Variants in TBXAS1 observed in about 807,000 individuals in gnomAD.
The protein encoded by TBXAS1 is thromboxane-A synthase.
TBXAS1 carries 48 observed loss-of-function variants against 60.7 expected under a neutral mutation model. That is an observed-to-expected ratio of 0.79 (90% confidence interval 0.63 to 1.01). The LOEUF is 1.01. Ranked by LOEUF, TBXAS1 falls within the 50% of genes least tolerant of loss-of-function variation. The pLI, the probability that TBXAS1 is intolerant of heterozygous loss-of-function variation, is 0.00. For missense variants in TBXAS1, 685 were observed against 686.3 expected (o/e 1.00, Z 0.02); for synonymous variants, 287 against 269.7 (o/e 1.06, Z -0.63).
At chr7:139,865,903 A>AGGAAGGAAGGAAAGAGGGAG (rs1801386264) in intron 1 of TBXAS1, among the ~76,000 whole-genome samples, 1 of 135,978 alleles carries the variant, frequency 7.4e-6, no homozygotes, top group African/African-American at 3.0e-5. Flanking sequence ...GGAGGGAGGG[A>AGGAAGGAAGGAAAGAGGGAG]GGAAGGAAGG....
intron 1 of TBXAS1, 59 bp from the exon 2 acceptor site, chr7:139,872,176 A>C: frequency 2.0e-6 from 3 of 1,487,000 alleles, no homozygotes; most frequent in Non-Finnish European, 2.8e-6. Context: ...TTCCTAATAG[A>C]GCCTAAAGCA....
At chr7:139,932,166 C>CAAA (rs56765418) in intron 4 of TBXAS1, among the ~76,000 whole-genome samples, 3 of 66,386 alleles carry the variant, frequency 4.5e-5, no homozygotes, top group East Asian at 6.3e-4. Flanking sequence ...GACTCCATCT[C>CAAA]AAAAAAAAAA....
intron 9 of TBXAS1, among the ~76,000 whole-genome samples, chr7:139,978,640 ATT>A (rs1483797064): frequency 6.6e-6 from 1 of 151,892 alleles, no homozygotes; most frequent in African/African-American, 2.4e-5. Context: ...ATTTTCCCCT[ATT>A]TTAAAGATTA....
At chr7:139,808,840 G>A (rs1433837159) in intron 4 of TBXAS1, among the ~76,000 whole-genome samples, 1 of 152,114 alleles carries the variant, frequency 6.6e-6, no homozygotes, top group Non-Finnish European at 1.5e-5. Flanking sequence ...CTGGAACATA[G>A]TACACATTTG....
intron 1 of TBXAS1, among the ~76,000 whole-genome samples, chr7:139,867,345 T>C (rs1447741521): frequency 2.6e-5 from 4 of 152,216 alleles, no homozygotes; most frequent in African/African-American, 9.6e-5. Flanking sequence ...GGCTGGACCC[T>C]TCTCCTGCAC....
At chr7:139,883,386 ACTT>A (rs895451734) in intron 3 of TBXAS1, among the ~76,000 whole-genome samples, 47 of 152,184 alleles carry the variant, frequency 3.1e-4, no homozygotes, top group African/African-American at 1.1e-3. Flanking sequence ...TGGACTTCTA[ACTT>A]CTTCTTTCAG....
intron 4 of TBXAS1, chr7:139,913,433 T>C: frequency 2.4e-6 from 1 of 416,868 alleles, no homozygotes; most frequent in Non-Finnish European, 4.5e-6. Context: ...GAGCCTGTCA[T>C]AGCACTTGAG....
At chr7:139,907,540 G>A (rs1805201665) in intron 3 of TBXAS1, among the ~76,000 whole-genome samples, 1 of 152,054 alleles carries the variant, frequency 6.6e-6, no homozygotes, top group Non-Finnish European at 1.5e-5. Context: ...GAGTTGTGAA[G>A]TGTTCCCTCC....
In TBXAS1 at chr7:139,852,530, T is replaced by C. The variant is rs1020497078; in HGVS notation, c.90-19705T>C. On this transcript the variant is annotated intron_variant, in intron 1 of 12. Transcript: ENST00000448866. The surrounding 1 kb of genome is among the most constrained non-coding windows in gnomAD (Gnocchi z 4.4). ...GTACAATTTCCAGCTAGACCCACAA[T>C]TGATCATTATAGCTAAGAGATGATC... Among the ~76,000 whole-genome samples, 1 of 152,176 alleles carries C rather than the reference T, an allele frequency of 6.6e-6. No individual in the cohort carries two copies. The highest frequency in any genetic ancestry group is 1.9e-4 in the East Asian group (1 of 5,196).
At chr7:139,950,893 A>ACCCACTCGCCCTCCATCTACG (rs1569518180) in intron 5 of TBXAS1, among the ~76,000 whole-genome samples, 1 of 114,144 alleles carries the variant, frequency 8.8e-6, no homozygotes. Context: ...CTCCATCTAC[A>ACCCACTCGCCCTCCATCTACG]GGACCCACTC....
intron 9 of TBXAS1, among the ~76,000 whole-genome samples, chr7:139,970,274 T>A (rs927718996): frequency 6.6e-6 from 1 of 152,140 alleles, no homozygotes; most frequent in Non-Finnish European, 1.5e-5. Context: ...GCCCAGCTAA[T>A]TTTTGTATTT....
At chr7:139,977,599 A>C (rs1041875874) in intron 9 of TBXAS1, among the ~76,000 whole-genome samples, 1 of 152,140 alleles carries the variant, frequency 6.6e-6, no homozygotes, top group Non-Finnish European at 1.5e-5. Context: ...ACAGGCCCAC[A>C]CCTTGTCTCA....
intron 9 of TBXAS1, among the ~76,000 whole-genome samples, chr7:139,995,012 G>T (rs571924354): frequency 6.6e-6 from 1 of 152,326 alleles, no homozygotes; most frequent in South Asian, 2.1e-4. Flanking sequence ...AGCAGAGCTG[G>T]GGAGCGCAGG....
chr7:139,965,964 G>A (rs886762343), intron 9 of TBXAS1, among the ~76,000 whole-genome samples: 2 of 150,192 alleles, frequency 1.3e-5, no homozygotes, highest in African/African-American at 4.9e-5. Flanking sequence ...CAGATTAGAT[G>A]TTCACACATT....
At chr7:139,912,640 C>CTGGTG (rs1805620863) in intron 4 of TBXAS1, among the ~76,000 whole-genome samples, 1 of 152,116 alleles carries the variant, frequency 6.6e-6, no homozygotes, top group Admixed American at 6.6e-5. Flanking sequence ...CAGCACAATG[C>CTGGTG]AGTGTGGTGA....
intron 11 of TBXAS1, 83 bp downstream of exon 11, chr7:140,015,943 G>A: frequency 6.3e-7 from 1 of 1,596,666 alleles, no homozygotes; most frequent in African/African-American, 1.3e-5. Context: ...GCAGCCGGGA[G>A]GCACAGACTT....
intron 1 of TBXAS1, among the ~76,000 whole-genome samples, chr7:139,862,769 C>T (rs1801061033): frequency 6.6e-6 from 1 of 152,142 alleles, no homozygotes; most frequent in Admixed American, 6.5e-5. Context: ...GGTAAAGAAT[C>T]CCTCTGTCTC....
At position 139,910,695 on chromosome 7, in the gene TBXAS1, C is replaced by T. The variant is rs371213183; in HGVS notation, c.237-530C>T. ...TGAGCTCCTTTATATATAGGTGTGGCGACCAGATATTCAGTTCTTCCCAAG... is the reference window on the plus strand; with the variant it reads ...TGAGCTCCTTTATATATAGGTGTGGTGACCAGATATTCAGTTCTTCCCAAG... On this transcript the variant is annotated intron_variant, in intron 3 of 12. Coordinates refer to ENST00000448866, the MANE Select transcript of TBXAS1 (RefSeq NM_001061.7). Among the ~76,000 whole-genome samples the T allele has an allele frequency of 1.4e-4, 21 of 152,212 alleles. 1 individual carries two copies. In the South Asian group the frequency reaches 3.7e-3, roughly 27 times the overall value.
rs117771710 is a variant in TBXAS1 at position 139,906,243 on chromosome 7, G to A, written c.237-4982G>A. The A allele has an allele frequency of 9.2e-3, 1,626 of 177,572 alleles. 13 individuals are homozygous for A. The highest frequency in any genetic ancestry group is 0.014 in the Non-Finnish European group (1,124 of 81,770). The allele number at this position is 177,572 out of a possible 1,614,324, so 11.0% of individuals were successfully genotyped here. On this transcript the variant is annotated intron_variant, in intron 3 of 12. Transcript: ENST00000448866. ...GATAGTTATTTGTATTTTTAGTACA[G>A]ATGGGGTTTACCATGTTGGCCAGGA... is the stretch of plus-strand genomic sequence containing the variant.
Sources: allele counts gnomAD v4.1 joint callset (sites outside exome capture counted in the v4.1 genomes callset), GRCh38; gene constraint gnomAD v4.1.1; non-coding constraint Gnocchi (gnomAD v3.1); transcripts MANE v1.5; gene names NCBI Gene and HGNC (gene_info 2026-07-23, HGNC 2026-07-21).